Variants in POU2AF1 observed in about 807,000 individuals in gnomAD.
POU2AF1 encodes the protein POU domain class 2-associating factor 1.
Under a neutral mutation model 26.3 loss-of-function variants are expected in POU2AF1, and 12 were observed. The ratio of observed to expected loss-of-function variants is 0.46; its 90% CI spans 0.29 to 0.74. The LOEUF is 0.74. POU2AF1 is among the 30% of genes least tolerant of loss of function. The pLI is 0.09. For missense variants in POU2AF1, 297 were observed against 334.5 expected (o/e 0.89, Z 0.87); for synonymous variants, 175 against 148.0 (o/e 1.18, Z -1.32).
intron 1 of POU2AF1, among the ~76,000 whole-genome samples, chr11:111,374,340 C>T (rs1015430278): frequency 4.6e-5 from 7 of 152,148 alleles, no homozygotes; most frequent in East Asian, 1.9e-4. Context: ...CTTTATTTCA[C>T]CTCCAGACAG....
chr11:111,379,211 A>C lies in POU2AF1; in HGVS notation c.-34T>G. The C allele has an allele frequency of 6.2e-7, 1 of 1,614,066 alleles. No homozygotes were observed. Among genetic ancestry groups the C allele is most frequent in the Non-Finnish European group, 8.5e-7 (1 of 1,179,918 alleles). On this transcript the variant is annotated 5_prime_UTR_variant, in exon 1 of 5. Coordinates refer to ENST00000393067, the MANE Select transcript of POU2AF1 (RefSeq NM_006235.3). The stretch of plus-strand genomic sequence containing the variant: ...ACAGGATGTTGCCTTTTCTCTTTGA[A>C]GCCGACAGTTTGGCTTCTTTAATGT...
At chr11:111,360,524 G>C (rs1384780047) in intron 1 of POU2AF1, among the ~76,000 whole-genome samples, 2 of 152,172 alleles carry the variant, frequency 1.3e-5, no homozygotes, top group Non-Finnish European at 2.9e-5. Context: ...AGATGTTGGG[G>C]GTCAGGAATC....
intron 2 of POU2AF1, among the ~76,000 whole-genome samples, 174 bp from the exon 3 acceptor site, chr11:111,358,011 T>G (rs894046899): frequency 1.3e-5 from 2 of 152,146 alleles, no homozygotes; most frequent in African/African-American, 4.8e-5. Context: ...TTGAGAGATT[T>G]GCGTTTCTAT....
chr11:111,358,583 C>G (rs940133158), intron 2 of POU2AF1, among the ~76,000 whole-genome samples: 1 of 128,516 alleles, frequency 7.8e-6, no homozygotes, highest in African/African-American at 2.6e-5. Flanking sequence ...CACTCACACT[C>G]CCTCACACAC....
intron 1 of POU2AF1, among the ~76,000 whole-genome samples, chr11:111,371,848 CTTACCA>C (rs1484943467): frequency 6.6e-6 from 1 of 152,074 alleles, no homozygotes; most frequent in East Asian, 1.9e-4. Context: ...GGAAAAAGGA[CTTACCA>C]GTGTCACACA....
chr11:111,362,288 G>A (rs1861025441), intron 1 of POU2AF1, among the ~76,000 whole-genome samples: 1 of 152,164 alleles, frequency 6.6e-6, no homozygotes, highest in Admixed American at 6.5e-5. Context: ...ATCCCCTCAA[G>A]CATTTGTCAC....
chr11:111,359,923 G>C (rs1860972469), intron 1 of POU2AF1: 1 of 518,740 alleles, frequency 1.9e-6, no homozygotes, highest in African/African-American at 1.9e-5. Flanking sequence ...TGAGGCAAGT[G>C]GCTCCCAGGT....
intron 1 of POU2AF1, among the ~76,000 whole-genome samples, chr11:111,378,920 T>G (rs2135145983): frequency 6.6e-6 from 1 of 152,322 alleles, no homozygotes; most frequent in South Asian, 2.1e-4. Context: ...CCGTCCCACC[T>G]TGGAACACTA....
rs971843560 is a variant in POU2AF1 at position 111,352,691 on chromosome 11, T to C, written c.*1570A>G. On this transcript the variant is annotated 3_prime_UTR_variant, in exon 5 of 5. Coordinates refer to ENST00000393067, the MANE Select transcript of POU2AF1 (RefSeq NM_006235.3). ...TGGCTCACGCCTGTGATCCCAGCAC[T>C]CTGAGAGGCTGAGGCGGGCGGATCA... 1.2e-5 allele frequency: 2 copies of C among 171,494 alleles called. No homozygotes were observed. Among genetic ancestry groups the C allele is most frequent in the African/African-American group, 4.8e-5 (2 of 42,026 alleles). The allele number at this position is 171,494 out of a possible 1,614,324, so 10.6% of individuals were successfully genotyped here.
At chr11:111,359,044 A>G in intron 1 of POU2AF1, 126 bp from the exon 2 acceptor site, 3 of 1,426,158 alleles carry the variant, frequency 2.1e-6, no homozygotes, top group Non-Finnish European at 2.8e-6. Flanking sequence ...ACCACGTGAC[A>G]CTTCCTAGAA....
chr11:111,369,770 C>T (rs1393306391), intron 1 of POU2AF1, among the ~76,000 whole-genome samples: 1 of 152,150 alleles, frequency 6.6e-6, no homozygotes, highest in Non-Finnish European at 1.5e-5. Flanking sequence ...AATTCTATAG[C>T]AAGGCAGTAC....
At chr11:111,367,873 G>A (rs192425658) in intron 1 of POU2AF1, among the ~76,000 whole-genome samples, 21 of 152,250 alleles carry the variant, frequency 1.4e-4, no homozygotes, top group Admixed American at 3.9e-4. Flanking sequence ...AAATGACAGC[G>A]GACAGGTCCA....
At chr11:111,377,306 G>C (rs759727004) in intron 1 of POU2AF1, among the ~76,000 whole-genome samples, 10 of 152,002 alleles carry the variant, frequency 6.6e-5, no homozygotes, top group Admixed American at 6.5e-5. Flanking sequence ...CTTGAACCCA[G>C]GAGGCAGAGG....
chr11:111,361,228 C>T (rs1344701762), intron 1 of POU2AF1, among the ~76,000 whole-genome samples: 1 of 152,156 alleles, frequency 6.6e-6, no homozygotes. Flanking sequence ...ACAAAAGTTA[C>T]CAGCAGATGA....
At chr11:111,366,922 C>T (rs993079120) in intron 1 of POU2AF1, among the ~76,000 whole-genome samples, 1 of 152,130 alleles carries the variant, frequency 6.6e-6, no homozygotes, top group Non-Finnish European at 1.5e-5. Context: ...TTGTATTAGG[C>T]TGAAGTCAAG....
Position 111,354,414 on chromosome 11 carries a change from G to A in POU2AF1, c.618C>T (p.Val206=). The A allele has an allele frequency of 6.2e-7, 1 of 1,614,196 alleles. No homozygotes were observed. The highest frequency in any genetic ancestry group is 1.1e-5 in the South Asian group (1 of 91,076). The stretch of plus-strand genomic sequence containing the variant: ...GCTCTGGGATAGAGATGGGGAGCTG[G>A]ACAAACTGGGGCCCAGGTAGGGCTG... ...PAPALPGPQF[V]QLPISIPEPV... Residue 206 remains valine (V), a synonymous_variant, in exon 5 of 5, where the codon GTC becomes GTT. Transcript: ENST00000393067.
chr11:111,352,375 G>A lies in POU2AF1; in HGVS notation c.*1886C>T, dbSNP rs1244087919. On this transcript the variant is annotated 3_prime_UTR_variant, in exon 5 of 5. Coordinates refer to ENST00000393067, the MANE Select transcript of POU2AF1 (RefSeq NM_006235.3). ...CTACATGGATTCTACCAACTGAAAT[G>A]TCTGCTTAATAGTGACGATGGTGCT... 5.4e-6 allele frequency: 1 copy of A among 186,244 alleles called. No homozygotes were observed. The highest frequency in any genetic ancestry group is 2.3e-5 in the African/African-American group (1 of 42,648). 11.5% of individuals were successfully genotyped at this position (186,244 alleles called of 1,614,324 possible).
At chr11:111,365,612 C>G (rs765095811) in intron 1 of POU2AF1, among the ~76,000 whole-genome samples, 45 of 152,212 alleles carry the variant, frequency 3.0e-4, no homozygotes, top group South Asian at 1.0e-3. Flanking sequence ...CTATGGCCAA[C>G]AAACTTGCCC....
intron 1 of POU2AF1, among the ~76,000 whole-genome samples, chr11:111,366,856 G>A (rs907168873): frequency 6.6e-6 from 1 of 152,118 alleles, no homozygotes; most frequent in Non-Finnish European, 1.5e-5. Flanking sequence ...CTACTTAACA[G>A]AGGTCATAGC....
Sources: gnomAD v4.1 joint callset for allele counts (sites outside exome capture counted in the v4.1 genomes callset) on GRCh38, gnomAD v4.1.1 for gene constraint, MANE v1.5 for transcripts, NCBI Gene and HGNC (gene_info 2026-07-23, HGNC 2026-07-21) for gene names.